The following RSPO3 variants were observed in gnomAD, a reference collection of about 807,000 sequenced individuals.
RSPO3 encodes the protein R-spondin-3.
RSPO3 carries 17 observed loss-of-function variants against 36.5 expected under a neutral mutation model. That is an observed-to-expected ratio of 0.47 (90% CI 0.32 to 0.70). The LOEUF is 0.70. Ranked by LOEUF, RSPO3 falls within the 30% of genes least tolerant of loss-of-function variation. The probability of loss-of-function intolerance (pLI) is 0.04; values close to 1 mark genes in which losing one functional copy is unlikely to be tolerated. For synonymous variants in RSPO3, 108 were observed against 107.0 expected, an observed-to-expected ratio of 1.01 and a Z score of -0.06; for missense variants, 294 against 322.5, an observed-to-expected ratio of 0.91 and a Z score of 0.68.
intron 4 of RSPO3, among the ~76,000 whole-genome samples, chr6:127,171,657 T>C (rs1396392251): frequency 6.6e-6 from 1 of 151,800 alleles, no homozygotes; most frequent in Non-Finnish European, 1.5e-5. Flanking sequence ...CTTCCTCTTA[T>C]TTGTCCCATC....
intron 4 of RSPO3, among the ~76,000 whole-genome samples, chr6:127,167,211 G>A (rs1455999444): frequency 1.3e-5 from 2 of 151,850 alleles, no homozygotes; most frequent in Non-Finnish European, 2.9e-5. Flanking sequence ...ATGGTGGTTT[G>A]CTGCACAGAT....
chr6:127,194,139 C>T (rs992452733), intron 4 of RSPO3, among the ~76,000 whole-genome samples: 2 of 152,056 alleles, frequency 1.3e-5, no homozygotes, highest in Non-Finnish European at 2.9e-5. Flanking sequence ...ACCGTATTGG[C>T]GTAGTATACC....
intron 4 of RSPO3, among the ~76,000 whole-genome samples, chr6:127,186,824 A>G (rs1274359326): frequency 2.6e-5 from 4 of 152,154 alleles, no homozygotes; most frequent in African/African-American, 9.6e-5. Flanking sequence ...GATGTCTTAA[A>G]GGAATCACTG....
chr6:127,138,914 G>A lies in RSPO3; in HGVS notation c.98-9734G>A, dbSNP rs550413625. ...GGGTTCAAAACCAGACTCTAAATGA[G>A]TGCAGATCCAGTACCTCTTCACCCT... On this transcript the variant is annotated intron_variant, in intron 1 of 4. Transcript: ENST00000356698. Among the ~76,000 whole-genome samples, 4 of 152,270 alleles carry A rather than the reference G, an allele frequency of 2.6e-5. No homozygotes were observed. In the South Asian group the frequency reaches 6.2e-4, roughly 24 times the overall value.
chr6:127,154,273 T>C lies in RSPO3; in HGVS notation c.437-968T>C, dbSNP rs1420387670. ...GTCTTAAATCATCTGAAAGAGTTAC[T>C]GTTGCTAGCTGTTGTTATACATTAG... On this transcript the variant is annotated intron_variant, in intron 3 of 4. Transcript: ENST00000356698. 2.6e-5 allele frequency among the ~76,000 whole-genome samples: 4 copies of C among 152,182 alleles called. No homozygotes were observed. The East Asian group carries it at 7.7e-4, about 29-fold the overall frequency.
chr6:127,152,036 G>A (rs900657933), intron 3 of RSPO3, among the ~76,000 whole-genome samples: 2 of 152,048 alleles, frequency 1.3e-5, no homozygotes, highest in Non-Finnish European at 2.9e-5. Context: ...ATTCAGTCCT[G>A]GAAAGGCTAT....
rs1013163468 is a variant in RSPO3, at chr6:127,150,662, G to T, written c.436+90G>T. The stretch of plus-strand genomic sequence containing the variant: ...AGTCCTTTGCCAAAAGAACTTGAAG[G>T]TTCTTGGGCTGAGATCTCTTAAAGG... On this transcript the variant is annotated intron_variant, in intron 3 of 4. Transcript: ENST00000356698. The T allele has an allele frequency of 3.2e-6, 4 of 1,263,196 alleles. No individual in the cohort carries two copies. In the South Asian group the frequency reaches 4.4e-5, roughly 14 times the overall value. The allele number at this position is 1,263,196 out of a possible 1,614,324, so 78.2% of individuals were successfully genotyped here.
rs745638669 is a variant in RSPO3 at position 127,148,706 on chromosome 6, T to A, written c.156T>A (p.Asn52Lys). Residue 52 changes from asparagine (N) to lysine (K), a missense_variant, in exon 2 of 5, where the codon AAT becomes AAA. This residue lies in a region of RSPO3 where 43 missense variants were observed against 86.0 expected (regional missense o/e 0.50). Transcript: ENST00000356698. ...GCTGTGCAACATGCTCAGATTACAA[T>A]GGATGTTTGTCATGTAAGCCCAGAC... ...QGGCATCSDY[N>K]GCLSCKPRLF... 2 of 1,613,278 alleles carry A rather than the reference T, an allele frequency of 1.2e-6. No homozygotes were observed. The highest frequency in any genetic ancestry group is 2.2e-5 in the South Asian group (2 of 91,032).
At chr6:127,162,928 T>C (rs1003903946) in intron 4 of RSPO3, among the ~76,000 whole-genome samples, 4 of 152,150 alleles carry the variant, frequency 2.6e-5, no homozygotes, top group Non-Finnish European at 5.9e-5. Context: ...GACCACCATG[T>C]TGATGTGCTA....
chr6:127,179,514 A>G (rs1429075931), intron 4 of RSPO3, among the ~76,000 whole-genome samples: 1 of 151,912 alleles, frequency 6.6e-6, no homozygotes, highest in African/African-American at 2.4e-5. Flanking sequence ...ACATTTGAAT[A>G]GTGGGATGAG....
rs1339939063 is a variant in RSPO3 at position 127,197,197 on chromosome 6, C to G, written c.*1190C>G. Reference sequence around the variant, plus strand: ...CAGTAATATTTGTTTTTTGAATCCACCTTTATCTGAGCCAATGGAGATTTA... The same window carrying G: ...CAGTAATATTTGTTTTTTGAATCCAGCTTTATCTGAGCCAATGGAGATTTA... On this transcript the variant is annotated 3_prime_UTR_variant, in exon 5 of 5. Transcript: ENST00000356698. The G allele has an allele frequency of 6.8e-5, 33 of 488,120 alleles. No homozygotes were observed. In the East Asian group the frequency reaches 1.1e-3, roughly 17 times the overall value. The allele number at this position is 488,120 out of a possible 1,614,324, so 30.2% of individuals were successfully genotyped here. A position where few individuals can be genotyped will look rare whatever the true frequency, so the allele number is the denominator to read the frequency against.
At chr6:127,149,256 G>A (rs570585568) in intron 2 of RSPO3, among the ~76,000 whole-genome samples, 4 of 152,146 alleles carry the variant, frequency 2.6e-5, no homozygotes, top group Non-Finnish European at 5.9e-5. Context: ...TAAATATTGG[G>A]AGTACTGTCA....
At chr6:127,126,701 G>A (rs991836088) in intron 1 of RSPO3, among the ~76,000 whole-genome samples, 1 of 152,012 alleles carries the variant, frequency 6.6e-6, no homozygotes, top group African/African-American at 2.4e-5. Context: ...TCACTGTAGC[G>A]TTCTACTTTT....
At chr6:127,133,770 T>C (rs796531110) in intron 1 of RSPO3, among the ~76,000 whole-genome samples, 11 of 152,286 alleles carry the variant, frequency 7.2e-5, no homozygotes, top group African/African-American at 2.4e-4. Flanking sequence ...AAAATCAAAA[T>C]TGAACTCAGC....
chr6:127,143,487 G>A lies in RSPO3; in HGVS notation c.98-5161G>A, dbSNP rs557963261. ...GCTTTGGAGAGATTTTATATATGAT[G>A]TTTTTATTGTTGTTAAAAATAACTT... On this transcript the variant is annotated intron_variant, in intron 1 of 4. Transcript: ENST00000356698. 2.0e-5 allele frequency among the ~76,000 whole-genome samples: 3 copies of A among 152,200 alleles called. No individual in the cohort carries two copies. In the South Asian group the frequency reaches 6.2e-4, roughly 32 times the overall value.
intron 1 of RSPO3, among the ~76,000 whole-genome samples, chr6:127,124,055 C>A (rs1773894268): frequency 2.0e-5 from 3 of 151,930 alleles, no homozygotes; most frequent in Non-Finnish European, 4.4e-5. Flanking sequence ...TGTAATAATT[C>A]TTTTGAATCC....
intron 1 of RSPO3, among the ~76,000 whole-genome samples, chr6:127,146,957 C>T (rs1774396629): frequency 6.6e-6 from 1 of 152,022 alleles, no homozygotes; most frequent in Non-Finnish European, 1.5e-5. Flanking sequence ...GAAAAATGAC[C>T]CTGTTACTTG....
At chr6:127,170,034 T>C (rs1774904773) in intron 4 of RSPO3, among the ~76,000 whole-genome samples, 1 of 151,682 alleles carries the variant, frequency 6.6e-6, no homozygotes, top group African/African-American at 2.4e-5. Flanking sequence ...GATTTGAGCA[T>C]TAGACTAAGA....
In RSPO3 at chr6:127,197,527, G is replaced by A. The variant is rs541985535; in HGVS notation, c.*1520G>A. ...ATCTCTGAGTGTGCAGCACAGAATC[G>A]CATGACCCACCTTAACCTTCCTGTT... On this transcript the variant is annotated 3_prime_UTR_variant, in exon 5 of 5. Transcript: ENST00000356698. The A allele has an allele frequency of 8.4e-6, 13 of 1,549,988 alleles. No homozygotes were observed. Among genetic ancestry groups the A allele is most frequent in the East Asian group, 2.4e-5 (1 of 40,908 alleles).
Sources: allele counts gnomAD v4.1 joint callset (sites outside exome capture counted in the v4.1 genomes callset), GRCh38; gene constraint gnomAD v4.1.1; regional missense constraint gnomAD v4.1.1; transcripts MANE v1.5; gene names NCBI Gene and HGNC (gene_info 2026-07-23, HGNC 2026-07-21).